MIER1: variants seen among roughly 807,000 people sequenced by gnomAD.
MIER1 encodes MIER1 transcriptional regulator, also known as mesoderm induction early response protein 1.
Under a neutral mutation model 75.7 loss-of-function variants are expected in MIER1, and 40 were observed. The observed-to-expected ratio is 0.53, with a 90% CI of 0.41 to 0.69. The LOEUF is 0.69. Among genes scored for constraint, MIER1 ranks in the 30% least tolerant of loss-of-function variants. The pLI is 0.00. For synonymous variants in MIER1, 213 were observed against 223.4 expected, an observed-to-expected ratio of 0.95 and a Z score of 0.42; for missense variants, 574 against 680.2, an observed-to-expected ratio of 0.84 and a Z score of 1.74.
At position 66,985,402 on chromosome 1, in the gene MIER1, A is replaced by C; in HGVS notation, c.*502A>C. ...AACAGTTTGAGTATCTTTATTAAGG[A>C]AACCCTTACGAATCCTGAAAATTAT... On this transcript the variant is annotated 3_prime_UTR_variant, in exon 14 of 14. Transcript: ENST00000401041. The C allele has an allele frequency of 2.0e-6, 2 of 983,412 alleles. No individual in the cohort carries two copies. The highest frequency in any genetic ancestry group is 2.4e-6 in the Non-Finnish European group (2 of 827,960). The allele number at this position is 983,412 out of a possible 1,614,324, so 60.9% of individuals were successfully genotyped here.
At chr1:66,966,374 T>C (rs534117424) in intron 8 of MIER1, among the ~76,000 whole-genome samples, 1 of 152,328 alleles carries the variant, frequency 6.6e-6, no homozygotes, top group Admixed American at 6.5e-5. Context: ...CTCCTCCTTT[T>C]TGATGGCTGC....
intron 2 of MIER1, among the ~76,000 whole-genome samples, chr1:66,934,712 C>A (rs1444148722): frequency 6.6e-6 from 1 of 151,864 alleles, no homozygotes; most frequent in African/African-American, 2.4e-5. Context: ...TCTATGATAT[C>A]ATTTTACTTC....
chr1:66,986,385 C>A lies in MIER1; in HGVS notation c.*1485C>A, dbSNP rs778290019. 13 of 1,608,178 alleles carry A rather than the reference C, an allele frequency of 8.1e-6. No homozygotes were observed. Among genetic ancestry groups the A allele is most frequent in the Non-Finnish European group, 1.1e-5 (13 of 1,177,564 alleles). On this transcript the variant is annotated 3_prime_UTR_variant, in exon 14 of 14. Coordinates refer to ENST00000401041, the MANE Select transcript of MIER1 (RefSeq NM_001077700.3). ...AAACTTTTATAAAATATTAATTATT[C>A]TTGTTTTTCTCACACAGGCATACTC...
intron 4 of MIER1, among the ~76,000 whole-genome samples, chr1:66,956,580 G>A (rs1183792221): frequency 6.6e-6 from 1 of 152,192 alleles, no homozygotes; most frequent in Non-Finnish European, 1.5e-5. Context: ...TTAAAGCACT[G>A]TTGGTGTTGT....
chr1:66,945,650 C>G (rs1284973551), intron 3 of MIER1, among the ~76,000 whole-genome samples: 1 of 152,102 alleles, frequency 6.6e-6, no homozygotes, highest in Non-Finnish European at 1.5e-5. Context: ...TTGCTTGAGC[C>G]TGGGAGTTCA....
chr1:66,950,436 A>G (rs1658656422), intron 4 of MIER1, among the ~76,000 whole-genome samples: 1 of 152,224 alleles, frequency 6.6e-6, no homozygotes, highest in African/African-American at 2.4e-5. Context: ...TGCTACAAAT[A>G]GAAACACTCT....
intron 12 of MIER1, among the ~76,000 whole-genome samples, chr1:66,981,146 C>CT (rs1176973901): frequency 1.3e-5 from 2 of 152,148 alleles, no homozygotes; most frequent in Non-Finnish European, 2.9e-5. Flanking sequence ...AGAGACAAAT[C>CT]TCTATCCCAG....
At chr1:66,947,092 T>A (rs1286400453) in intron 4 of MIER1, 15 of 765,774 alleles carry the variant, frequency 2.0e-5, no homozygotes, top group Non-Finnish European at 2.4e-5. Context: ...AAAGCAGATT[T>A]TTTGGACCTC....
At chr1:66,959,030 T>C (rs1375938049) in intron 6 of MIER1, 47 bp downstream of exon 6, 1 of 1,519,974 alleles carries the variant, frequency 6.6e-7, no homozygotes, top group African/African-American at 1.4e-5. Context: ...TTTACTATTT[T>C]AGGTATTACC....
rs528213491 is a variant in MIER1, at chr1:66,957,023, C to A, written c.340-1036C>A. Among the ~76,000 whole-genome samples, 4 of 152,212 alleles carry A rather than the reference C, an allele frequency of 2.6e-5. No individual in the cohort carries two copies. The South Asian group carries it at 6.2e-4, about 24-fold the overall frequency. Reference sequence around the variant, plus strand: ...AAACCATGTCTTATTTCATGATTACCCTTTTTTTTCTAGCTTCTAAACTGA... The same window carrying A: ...AAACCATGTCTTATTTCATGATTACACTTTTTTTTCTAGCTTCTAAACTGA... On this transcript the variant is annotated intron_variant, in intron 4 of 13. Coordinates refer to ENST00000401041, the MANE Select transcript of MIER1 (RefSeq NM_001077700.3).
intron 3 of MIER1, among the ~76,000 whole-genome samples, chr1:66,942,342 A>G (rs1558036469): frequency 6.6e-6 from 1 of 152,214 alleles, no homozygotes; most frequent in Non-Finnish European, 1.5e-5. Flanking sequence ...TAGAGGCACA[A>G]TGTAAGGCTT....
intron 2 of MIER1, among the ~76,000 whole-genome samples, chr1:66,933,689 T>C (rs1653993083): frequency 6.6e-6 from 1 of 152,192 alleles, no homozygotes; most frequent in Non-Finnish European, 1.5e-5. Flanking sequence ...TTTTTTTTCA[T>C]GTTTATACTT....
chr1:66,985,080 T>G lies in MIER1; in HGVS notation c.*180T>G, dbSNP rs1666605404. ...TTTGCAGATTTTTTTACTTTAAAGCTGTCAGACTCTTTTAAGGGTATTTTA... is the reference window on the plus strand; with the variant it reads ...TTTGCAGATTTTTTTACTTTAAAGCGGTCAGACTCTTTTAAGGGTATTTTA... On this transcript the variant is annotated 3_prime_UTR_variant, in exon 14 of 14. Transcript: ENST00000401041. The G allele has an allele frequency of 7.5e-7, 1 of 1,335,550 alleles. No homozygotes were observed. Among genetic ancestry groups the G allele is most frequent in the Non-Finnish European group, 9.6e-7 (1 of 1,040,804 alleles). 82.7% of individuals were successfully genotyped at this position (1,335,550 alleles called of 1,614,324 possible). A position where few individuals can be genotyped will look rare whatever the true frequency, so the allele number is the denominator to read the frequency against.
In MIER1 at chr1:66,970,791, G is replaced by A; in HGVS notation, c.773-17G>A. 6.6e-7 allele frequency: 1 copy of A among 1,521,576 alleles called. No homozygotes were observed. The highest frequency in any genetic ancestry group is 1.3e-5 in the South Asian group (1 of 75,444). 94.3% of individuals were successfully genotyped at this position (1,521,576 alleles called of 1,614,324 possible). A position where few individuals can be genotyped will look rare whatever the true frequency, so the allele number is the denominator to read the frequency against. ...AGTTTTTAGAAATTTGTTTAACATT[G>A]TCTTTTACTAATTTAGTATATGAAA... On this transcript the variant is annotated splice_polypyrimidine_tract_variant and intron_variant, in intron 8 of 13. Coordinates refer to ENST00000401041, the MANE Select transcript of MIER1 (RefSeq NM_001077700.3).
At chr1:66,965,811 C>T (rs1021216848) in intron 8 of MIER1, among the ~76,000 whole-genome samples, 9 of 152,106 alleles carry the variant, frequency 5.9e-5, no homozygotes, top group Non-Finnish European at 1.0e-4. Context: ...ACTCCTTTCC[C>T]GGACTGACCT....
chr1:66,931,030 TCCCC>T lies in MIER1; in HGVS notation c.168+4791_168+4794del, dbSNP rs1326001096. 2.1e-5 allele frequency among the ~76,000 whole-genome samples: 3 copies of T among 144,056 alleles called. No homozygotes were observed. In the South Asian group the frequency reaches 6.9e-4, roughly 33 times the overall value. 94.5% of individuals were successfully genotyped at this position (144,056 alleles called of 152,430 possible). On this transcript the variant is annotated intron_variant, in intron 2 of 13. Coordinates refer to ENST00000401041, the MANE Select transcript of MIER1 (RefSeq NM_001077700.3). ...ACAACCTCTGAGCTGCTTTTCCACC[TCCCC>T]CCACCACCTTCACTTTCCAGGCTTC...
In MIER1 at chr1:66,981,718, CCT is replaced by C. The variant is rs1472994130; in HGVS notation, c.1230-59_1230-58del. ...TGTTAAGAAAGCCTTCTGAATTTAA[CCT>C]CAACTAATTTTTAATTTTCAGCTCT... On this transcript the variant is annotated intron_variant, in intron 12 of 13. Coordinates refer to ENST00000401041, the MANE Select transcript of MIER1 (RefSeq NM_001077700.3). 4 of 1,363,000 alleles carry C rather than the reference CCT, an allele frequency of 2.9e-6. No homozygotes were observed. The Admixed American group carries it at 6.4e-5, about 22-fold the overall frequency. The allele number at this position is 1,363,000 out of a possible 1,614,324, so 84.4% of individuals were successfully genotyped here. A position where few individuals can be genotyped will look rare whatever the true frequency, so the allele number is the denominator to read the frequency against.
intron 8 of MIER1, among the ~76,000 whole-genome samples, chr1:66,963,640 T>C (rs1377290451): frequency 6.6e-6 from 1 of 152,212 alleles, no homozygotes; most frequent in Non-Finnish European, 1.5e-5. Context: ...CCAGGTGCCG[T>C]GGCTCACGCC....
At chr1:66,983,387 C>G (rs1666270293) in intron 13 of MIER1, among the ~76,000 whole-genome samples, 1 of 152,140 alleles carries the variant, frequency 6.6e-6, no homozygotes, top group Non-Finnish European at 1.5e-5. Flanking sequence ...ATATTTTCTT[C>G]TATCAGAATA....
Sources: allele counts gnomAD v4.1 joint callset (sites outside exome capture counted in the v4.1 genomes callset), GRCh38; gene constraint gnomAD v4.1.1; transcripts MANE v1.5; gene names NCBI Gene and HGNC (gene_info 2026-07-23, HGNC 2026-07-21).